Variants in VAT1L observed in about 807,000 individuals in gnomAD.
The protein encoded by VAT1L is vesicle amine transport 1 like.
Under a neutral mutation model 44.1 loss-of-function variants are expected in VAT1L, and 34 were observed. The ratio of observed to expected loss-of-function variants is 0.77; its 90% CI spans 0.59 to 1.03. The LOEUF is 1.03. VAT1L is among the 50% of genes least tolerant of loss of function. The pLI is 0.00. For missense variants in VAT1L, 615 were observed against 538.8 expected, an observed-to-expected ratio of 1.14 and a Z score of -1.40; for synonymous variants, 253 against 202.2, an observed-to-expected ratio of 1.25 and a Z score of -2.13.
intron 7 of VAT1L, among the ~76,000 whole-genome samples, chr16:77,951,263 G>A (rs1262324575): frequency 6.6e-6 from 1 of 152,184 alleles, no homozygotes; most frequent in African/African-American, 2.4e-5. Context: ...AATGACTCAA[G>A]GTCCGGGTGT....
chr16:77,830,342 G>A (rs2016565930), intron 3 of VAT1L, among the ~76,000 whole-genome samples: 1 of 152,082 alleles, frequency 6.6e-6, no homozygotes, highest in African/African-American at 2.4e-5. Flanking sequence ...TCTTGTCTGG[G>A]TAGCCTTAAC....
chr16:77,859,921 C>T (rs1023275629), intron 3 of VAT1L, among the ~76,000 whole-genome samples: 1 of 152,076 alleles, frequency 6.6e-6, no homozygotes, highest in African/African-American at 2.4e-5. Context: ...TACCTCACAA[C>T]GTCACTTTAT....
At chr16:77,890,701 T>C (rs1050881228) in intron 7 of VAT1L, among the ~76,000 whole-genome samples, 7 of 151,866 alleles carry the variant, frequency 4.6e-5, no homozygotes, top group East Asian at 2.0e-4. Context: ...GGTGGGCAGA[T>C]TGCTTGAGCC....
chr16:77,855,418 T>C (rs759702263), intron 3 of VAT1L, among the ~76,000 whole-genome samples: 1 of 151,730 alleles, frequency 6.6e-6, no homozygotes, highest in Non-Finnish European at 1.5e-5. Context: ...TTTGAGAAAC[T>C]TGACCACAGG....
At chr16:77,912,522 G>T (rs894838095) in intron 7 of VAT1L, among the ~76,000 whole-genome samples, 1 of 152,036 alleles carries the variant, frequency 6.6e-6, no homozygotes, top group African/African-American at 2.4e-5. Flanking sequence ...GGCTCAAGCG[G>T]TCCTCCCTCC....
chr16:77,852,982 C>T (rs1285028024), intron 3 of VAT1L, among the ~76,000 whole-genome samples: 1 of 152,324 alleles, frequency 6.6e-6, no homozygotes, highest in South Asian at 2.1e-4. Context: ...CTGCCAGGTA[C>T]ACAGTAAACT....
At chr16:77,908,219 A>G (rs1567504871) in intron 7 of VAT1L, among the ~76,000 whole-genome samples, 2 of 150,840 alleles carry the variant, frequency 1.3e-5, no homozygotes, top group African/African-American at 2.4e-5. Flanking sequence ...AGCCTGGGTG[A>G]CAGAGTGAGA....
intron 7 of VAT1L, among the ~76,000 whole-genome samples, chr16:77,951,284 G>A (rs2018039451): frequency 1.3e-5 from 2 of 152,200 alleles, no homozygotes; most frequent in Non-Finnish European, 2.9e-5. Context: ...AGTGGCTCAC[G>A]CCTGTAATCC....
intron 7 of VAT1L, among the ~76,000 whole-genome samples, chr16:77,932,227 C>T (rs1329145480): frequency 1.3e-5 from 2 of 151,504 alleles, no homozygotes; most frequent in Admixed American, 6.6e-5. Context: ...CCTCAGCCTC[C>T]CAAGTAGCTG....
At chr16:77,899,996 A>G (rs1268310775) in intron 7 of VAT1L, among the ~76,000 whole-genome samples, 2 of 152,230 alleles carry the variant, frequency 1.3e-5, no homozygotes, top group Non-Finnish European at 2.9e-5. Context: ...CCCAAGCTAC[A>G]CCGTATGCAA....
chr16:77,907,336 C>G (rs1158362869), intron 7 of VAT1L, among the ~76,000 whole-genome samples: 1 of 152,206 alleles, frequency 6.6e-6, no homozygotes, highest in East Asian at 1.9e-4. Context: ...TTTTGCTGGT[C>G]TCCTGTGTGC....
intron 7 of VAT1L, among the ~76,000 whole-genome samples, chr16:77,925,920 A>G (rs537291753): frequency 5.9e-5 from 9 of 152,262 alleles, no homozygotes; most frequent in South Asian, 2.1e-4. Flanking sequence ...TGAGTGATCA[A>G]TGGCATGTAT....
intron 7 of VAT1L, among the ~76,000 whole-genome samples, chr16:77,941,303 T>A (rs975497424): frequency 6.6e-6 from 1 of 152,182 alleles, no homozygotes; most frequent in Non-Finnish European, 1.5e-5. Flanking sequence ...TCTCTACCTT[T>A]AGAATCTCCT....
chr16:77,954,003 A>G (rs1465434997), intron 7 of VAT1L, among the ~76,000 whole-genome samples: 1 of 152,108 alleles, frequency 6.6e-6, no homozygotes, highest in African/African-American at 2.4e-5. Context: ...TGCTAATTCT[A>G]ACTTCTCACA....
chr16:77,822,255 C>T (rs2016464118), intron 2 of VAT1L, among the ~76,000 whole-genome samples: 1 of 152,174 alleles, frequency 6.6e-6, no homozygotes, highest in Non-Finnish European at 1.5e-5. Context: ...CTGCCTCAGC[C>T]TCCCAAATAG....
rs902797317 is a variant in VAT1L at position 77,826,054 on chromosome 16, G to T, written c.579+593G>T. ...AAAAGAAAAAAAAAAAAAAAAGAAA[G>T]AAATTAGCCGGGCGTAGTGGCGGGC... On this transcript the variant is annotated intron_variant, in intron 3 of 8. Coordinates refer to ENST00000302536, the MANE Select transcript of VAT1L (RefSeq NM_020927.3). 1.9e-3 allele frequency among the ~76,000 whole-genome samples: 111 copies of T among 59,992 alleles called. 2 individuals carry two copies. Among genetic ancestry groups the T allele is most frequent in the South Asian group, 0.012 (20 of 1,666 alleles). 39.4% of individuals were successfully genotyped at this position (59,992 alleles called of 152,430 possible).
At chr16:77,862,500 C>T (rs2016925083) in intron 3 of VAT1L, among the ~76,000 whole-genome samples, 1 of 151,988 alleles carries the variant, frequency 6.6e-6, no homozygotes, top group Admixed American at 6.6e-5. Flanking sequence ...CCTGTAGTCC[C>T]AGCTACTTGG....
chr16:77,825,251 A>G lies in VAT1L; in HGVS notation c.369A>G (p.Gly123=). 6 of 1,614,060 alleles carry G rather than the reference A, an allele frequency of 3.7e-6. No homozygotes were observed. The highest frequency in any genetic ancestry group is 5.1e-6 in the Non-Finnish European group (6 of 1,180,018). Reference sequence around the variant, plus strand: ...CTGTGTTTCCCCATGCCCAGATTGGAGACCGTGTCATGGCATTTGTCAATT... The same window carrying G: ...CTGTGTTTCCCCATGCCCAGATTGGGGACCGTGTCATGGCATTTGTCAATT... ...LGDSVKGYEI[G]DRVMAFVNYN... is the part of the protein sequence containing the mutation. The change falls in exon 3 of 9, where the codon GGA becomes GGG. Residue 123 remains glycine (G), a synonymous_variant. Coordinates refer to ENST00000302536, the MANE Select transcript of VAT1L (RefSeq NM_020927.3).
chr16:77,850,681 C>A (rs149203865), intron 3 of VAT1L, among the ~76,000 whole-genome samples: 1 of 152,134 alleles, frequency 6.6e-6, no homozygotes, highest in Non-Finnish European at 1.5e-5. Context: ...GAAAGAGACG[C>A]ATTTATCAAA....
Sources: allele counts gnomAD v4.1 joint callset (sites outside exome capture counted in the v4.1 genomes callset), GRCh38; gene constraint gnomAD v4.1.1; transcripts MANE v1.5; gene names NCBI Gene and HGNC (gene_info 2026-07-23, HGNC 2026-07-21).